The following KAZN variants were observed in gnomAD, a reference collection of about 807,000 sequenced individuals.
The protein encoded by KAZN is kazrin, periplakin interacting protein.
In KAZN, 40 loss-of-function variants were observed where a neutral mutation model predicts 87.4. The observed-to-expected ratio is 0.46, with a 90% CI of 0.36 to 0.60. The LOEUF is 0.60. Ranked by LOEUF, KAZN falls within the 20% of genes least tolerant of loss-of-function variation. The pLI, the probability that KAZN is intolerant of heterozygous loss-of-function variation, is 0.00. For synonymous variants in KAZN, 466 were observed against 458.3 expected (o/e 1.02, Z -0.22); for missense variants, 898 against 1,073.9 (o/e 0.84, Z 2.29).
chr1:14,215,880 G>A (rs1254850361), intron 2 of KAZN, among the ~76,000 whole-genome samples: 2 of 152,102 alleles, frequency 1.3e-5, no homozygotes, highest in African/African-American at 4.8e-5. Context: ...TCTCATTAAT[G>A]TTCATCCAAC....
chr1:14,136,108 G>C (rs1009745420), intron 1 of KAZN, among the ~76,000 whole-genome samples: 7 of 152,108 alleles, frequency 4.6e-5, no homozygotes, highest in East Asian at 1.9e-4. Context: ...ACCCATCAAG[G>C]CCTCAGAGAG....
chr1:14,804,783 T>C (rs1157402560), intron 1 of KAZN, among the ~76,000 whole-genome samples: 1 of 122,476 alleles, frequency 8.2e-6, no homozygotes, highest in African/African-American at 3.9e-5. Context: ...GAGTGGCAGA[T>C]CAAGACGAGC....
At chr1:14,428,333 C>G (rs996524297) in intron 2 of KAZN, among the ~76,000 whole-genome samples, 1 of 152,114 alleles carries the variant, frequency 6.6e-6, no homozygotes, top group Non-Finnish European at 1.5e-5. Flanking sequence ...TATACCCTCC[C>G]CATTCAAATG....
chr1:14,807,893 C>G (rs954455202), intron 1 of KAZN, among the ~76,000 whole-genome samples: 10 of 152,148 alleles, frequency 6.6e-5, no homozygotes, highest in Non-Finnish European at 2.9e-5. Context: ...CTCCACTCCC[C>G]TAGAGATAGA....
chr1:14,649,922 A>C (rs1427493252), intron 1 of KAZN, among the ~76,000 whole-genome samples: 3 of 152,074 alleles, frequency 2.0e-5, no homozygotes, highest in Non-Finnish European at 4.4e-5. Context: ...TTAGGGAGAC[A>C]CCATTTATAG....
At chr1:14,928,108 C>T (rs979166944) in intron 1 of KAZN, among the ~76,000 whole-genome samples, 4 of 152,190 alleles carry the variant, frequency 2.6e-5, no homozygotes, top group Non-Finnish European at 5.9e-5. Flanking sequence ...TATCCCAGAC[C>T]GTAGACCTCA....
intron 1 of KAZN, among the ~76,000 whole-genome samples, chr1:14,937,313 G>A (rs888458153): frequency 6.6e-6 from 1 of 152,044 alleles, no homozygotes; most frequent in African/African-American, 2.4e-5. Context: ...CACCTACTTG[G>A]GGCCAGCTCC....
intron 4 of KAZN, among the ~76,000 whole-genome samples, chr1:15,048,264 A>T (rs1231280845): frequency 6.6e-6 from 1 of 152,182 alleles, no homozygotes; most frequent in Admixed American, 6.5e-5. Flanking sequence ...AAAGCCCTCT[A>T]TTGGCATTTA....
At chr1:14,135,400 A>G (rs1645087202) in intron 1 of KAZN, among the ~76,000 whole-genome samples, 1 of 152,238 alleles carries the variant, frequency 6.6e-6, no homozygotes, top group Admixed American at 6.5e-5. Flanking sequence ...TTAAAAGTTG[A>G]CATTCTTCCT....
chr1:14,437,920 G>T (rs892119409), intron 2 of KAZN, among the ~76,000 whole-genome samples: 1 of 152,142 alleles, frequency 6.6e-6, no homozygotes, highest in African/African-American at 2.4e-5. Flanking sequence ...CCAGAGATGG[G>T]ATGACATGTT....
At chr1:14,959,112 G>A (rs1663528970) in intron 1 of KAZN, among the ~76,000 whole-genome samples, 1 of 152,220 alleles carries the variant, frequency 6.6e-6, no homozygotes, top group Non-Finnish European at 1.5e-5. Flanking sequence ...CGGGGTGCAG[G>A]GAGGCGGGGC....
intron 1 of KAZN, among the ~76,000 whole-genome samples, chr1:14,107,776 G>C (rs558933879): frequency 1.3e-4 from 20 of 152,290 alleles, no homozygotes; most frequent in Non-Finnish European, 2.1e-4. Context: ...GTGTGCCCCA[G>C]GGAAAGTGTG....
chr1:14,289,546 C>G (rs543200724), intron 2 of KAZN, among the ~76,000 whole-genome samples: 1 of 151,196 alleles, frequency 6.6e-6, no homozygotes, highest in Non-Finnish European at 1.5e-5. Context: ...GGCAGATCTT[C>G]TTCTATCCCT....
chr1:14,409,231 A>G (rs79145133), intron 2 of KAZN, among the ~76,000 whole-genome samples: 2,512 of 152,324 alleles, frequency 0.016, 98 homozygotes, highest in East Asian at 0.11. Context: ...CCAGAAACAA[A>G]AGAGGAAGTG....
chr1:14,783,760 C>G (rs75185534), intron 1 of KAZN, among the ~76,000 whole-genome samples: 3 of 151,924 alleles, frequency 2.0e-5, no homozygotes, highest in Non-Finnish European at 4.4e-5. Flanking sequence ...TAGGCAGGCA[C>G]GGCAGAGGGG....
At chr1:14,493,742 G>C (rs1469257271) in intron 2 of KAZN, among the ~76,000 whole-genome samples, 1 of 152,094 alleles carries the variant, frequency 6.6e-6, no homozygotes, top group Non-Finnish European at 1.5e-5. Context: ...TTTCATTATA[G>C]ATTTTCTTGT....
Position 14,602,636 on chromosome 1 carries a change from T to C in KAZN, c.226+3413T>C, listed in dbSNP as rs565895625. On this transcript the variant is annotated intron_variant, in intron 1 of 14. Transcript: ENST00000376030. ...TGCTTGCTGTTCTTTGAGGGGAAAA[T>C]GTAGCAGTTTGTTTCTCTGAAAAAG... Among the ~76,000 whole-genome samples, 4 of 152,350 alleles carry C rather than the reference T, an allele frequency of 2.6e-5. No homozygotes were observed. The East Asian group carries it at 5.8e-4, about 22-fold the overall frequency.
At chr1:14,555,562 C>T (rs144645543) in intron 2 of KAZN, among the ~76,000 whole-genome samples, 20 of 152,086 alleles carry the variant, frequency 1.3e-4, no homozygotes, top group African/African-American at 4.3e-4. Context: ...TTTTGACATC[C>T]CTGGAGATCA....
At chr1:14,818,984 G>A (rs1376339441) in intron 1 of KAZN, among the ~76,000 whole-genome samples, 1 of 152,182 alleles carries the variant, frequency 6.6e-6, no homozygotes. Flanking sequence ...GAATCTGGGA[G>A]GCAAACGCCG....
Sources: gnomAD v4.1 joint callset for allele counts (sites outside exome capture counted in the v4.1 genomes callset) on GRCh38, gnomAD v4.1.1 for gene constraint, MANE v1.5 for transcripts, NCBI Gene and HGNC (gene_info 2026-07-23, HGNC 2026-07-21) for gene names.